The following CHN2 variants were observed in gnomAD, a reference collection of about 807,000 sequenced individuals.
The protein encoded by CHN2 is beta-chimaerin.
CHN2 carries 35 observed loss-of-function variants against 56.3 expected under a neutral mutation model. The observed-to-expected ratio is 0.62, with a 90% confidence interval of 0.47 to 0.82. The LOEUF is 0.82. CHN2 is among the 40% of genes least tolerant of loss of function. CHN2 has a pLI of 0.00. For missense variants in CHN2, 491 were observed against 580.5 expected, an observed-to-expected ratio of 0.85 and a Z score of 1.58; for synonymous variants, 210 against 212.8, an observed-to-expected ratio of 0.99 and a Z score of 0.12.
chr7:29,361,397 A>G (rs1175051995), intron 2 of CHN2, among the ~76,000 whole-genome samples: 1 of 152,174 alleles, frequency 6.6e-6, no homozygotes, highest in African/African-American at 2.4e-5. Flanking sequence ...ATAGCCAGCC[A>G]GGTAACCCAG....
intron 1 of CHN2, among the ~76,000 whole-genome samples, chr7:29,235,647 C>T (rs1787132835): frequency 6.6e-6 from 1 of 152,202 alleles, no homozygotes; most frequent in South Asian, 2.1e-4. Flanking sequence ...AGATGTCTAT[C>T]AACAGCAAAC....
Position 29,387,512 on chromosome 7 carries a change from G to A in CHN2, c.145-6167G>A, listed in dbSNP as rs150346302. Among the ~76,000 whole-genome samples the A allele has an allele frequency of 1.1e-4, 16 of 152,246 alleles. No individual in the cohort carries two copies. The East Asian group carries it at 1.7e-3, about 17-fold the overall frequency. ...CCCAATTAGAAACCAGCTATGACACGTTCTCTCATGTGTGGCAGCTTCTCA... is the reference window on the plus strand; with the variant it reads ...CCCAATTAGAAACCAGCTATGACACATTCTCTCATGTGTGGCAGCTTCTCA... On this transcript the variant is annotated intron_variant, in intron 3 of 12. Transcript: ENST00000222792.
chr7:29,438,196 C>T (rs922042482), intron 6 of CHN2, among the ~76,000 whole-genome samples: 4 of 152,222 alleles, frequency 2.6e-5, no homozygotes, highest in African/African-American at 9.6e-5. Context: ...AGGGGGCATA[C>T]CCCACACCAG....
intron 1 of CHN2, among the ~76,000 whole-genome samples, chr7:29,334,993 A>C (rs2128907815): frequency 6.6e-6 from 1 of 152,364 alleles, no homozygotes; most frequent in South Asian, 2.1e-4. Flanking sequence ...TTGAGAGATA[A>C]GTTATCTTAA....
At chr7:29,480,845 G>A (rs1585549770) in intron 7 of CHN2, among the ~76,000 whole-genome samples, 1 of 152,336 alleles carries the variant, frequency 6.6e-6, no homozygotes, top group Middle Eastern at 3.4e-3. Context: ...ATAATGACAG[G>A]AGATGCCATC....
intron 1 of CHN2, among the ~76,000 whole-genome samples, chr7:29,309,449 C>T (rs1346790163): frequency 6.6e-6 from 1 of 152,224 alleles, no homozygotes; most frequent in African/African-American, 2.4e-5. Flanking sequence ...TCTCCTCCTA[C>T]CACCTGTTCC....
At chr7:29,299,708 T>G (rs532831242) in intron 1 of CHN2, among the ~76,000 whole-genome samples, 1 of 152,314 alleles carries the variant, frequency 6.6e-6, no homozygotes, top group East Asian at 1.9e-4. Flanking sequence ...GTTACTAATA[T>G]TGCTTGTTGT....
Position 29,248,120 on chromosome 7 carries a change from G to C in CHN2, c.49+53130G>C, listed in dbSNP as rs535880221. Among the ~76,000 whole-genome samples the C allele has an allele frequency of 3.7e-4, 57 of 152,336 alleles. 1 individual carries two copies. The South Asian group carries it at 0.012, about 32-fold the overall frequency. On this transcript the variant is annotated intron_variant, in intron 1 of 12. Transcript: ENST00000222792. ...GCAGCGAAGCACAGACATTAGATGT[G>C]ATCTGACTGTGTTGCAGGTGATGGG...
At chr7:29,204,075 G>C (rs1323611242) in intron 1 of CHN2, among the ~76,000 whole-genome samples, 1,378 of 96,968 alleles carry the variant, frequency 0.014, 13 homozygotes, top group Admixed American at 0.034. Flanking sequence ...CTCTGTGTGT[G>C]TGTGTGTGTG....
intron 1 of CHN2, among the ~76,000 whole-genome samples, chr7:29,313,961 C>G (rs1794775587): frequency 6.6e-6 from 1 of 152,176 alleles, no homozygotes; most frequent in South Asian, 2.1e-4. Context: ...CTGGTGGCCT[C>G]TTTTTAAATC....
intron 1 of CHN2, among the ~76,000 whole-genome samples, chr7:29,294,259 TTGAA>T (rs1562896512): frequency 6.6e-6 from 1 of 152,110 alleles, no homozygotes; most frequent in African/African-American, 2.4e-5. Flanking sequence ...TAAATATTAG[TTGAA>T]TGAATGAATG....
intron 3 of CHN2, among the ~76,000 whole-genome samples, chr7:29,379,883 C>T (rs1165370201): frequency 6.6e-6 from 1 of 152,132 alleles, no homozygotes; most frequent in Non-Finnish European, 1.5e-5. Context: ...ATTAATAAGG[C>T]ACTTCTACTC....
intron 2 of CHN2, among the ~76,000 whole-genome samples, chr7:29,356,154 A>C (rs1023120399): frequency 1.3e-5 from 2 of 152,066 alleles, no homozygotes; most frequent in African/African-American, 4.8e-5. Context: ...AACTTGGTGA[A>C]GTTTTCACAA....
At chr7:29,347,639 C>T (rs576187670) in intron 1 of CHN2, among the ~76,000 whole-genome samples, 7 of 152,290 alleles carry the variant, frequency 4.6e-5, no homozygotes, top group Admixed American at 2.6e-4. Context: ...ACCGGGGTCC[C>T]TCCCTCAACA....
intron 1 of CHN2, among the ~76,000 whole-genome samples, chr7:29,272,418 G>A (rs546090930): frequency 6.6e-6 from 1 of 152,100 alleles, no homozygotes; most frequent in East Asian, 1.9e-4. Flanking sequence ...GAACCTCCTG[G>A]ACCAAAGCCA....
chr7:29,488,586 G>T (rs937786542), intron 7 of CHN2, among the ~76,000 whole-genome samples: 1 of 152,118 alleles, frequency 6.6e-6, no homozygotes, highest in African/African-American at 2.4e-5. Context: ...CAAAGCAAAA[G>T]AATAAAATTC....
At chr7:29,231,281 C>G (rs1786685022) in intron 1 of CHN2, among the ~76,000 whole-genome samples, 1 of 152,132 alleles carries the variant, frequency 6.6e-6, no homozygotes, top group African/African-American at 2.4e-5. Flanking sequence ...GCAGCCACAG[C>G]AAACAGGTTA....
chr7:29,185,185 C>G (rs1392136265), intron 2 of CHN2, among the ~76,000 whole-genome samples: 3 of 152,178 alleles, frequency 2.0e-5, no homozygotes, highest in Non-Finnish European at 4.4e-5. Context: ...TTCTAATCTT[C>G]TTTATGATTG....
intron 6 of CHN2, among the ~76,000 whole-genome samples, chr7:29,451,559 A>G (rs1382021466): frequency 2.0e-5 from 3 of 150,824 alleles, no homozygotes; most frequent in Non-Finnish European, 4.4e-5. Flanking sequence ...ATTTGTAATT[A>G]ATTACAAATT....
Sources: gnomAD v4.1 joint callset for allele counts (sites outside exome capture counted in the v4.1 genomes callset) on GRCh38, gnomAD v4.1.1 for gene constraint, MANE v1.5 for transcripts, NCBI Gene and HGNC (gene_info 2026-07-23, HGNC 2026-07-21) for gene names.